Variants in RAD54L2 observed in about 807,000 individuals in gnomAD.
RAD54L2 encodes RAD54 like 2.
A neutral mutation model predicts 138.4 loss-of-function variants in RAD54L2; 27 were observed. The observed-to-expected ratio is 0.20, with a 90% CI of 0.14 to 0.27. The LOEUF is 0.27. Among genes scored for constraint, RAD54L2 ranks in the 10% least tolerant of loss-of-function variants. The pLI is 1.00. For missense variants in RAD54L2, 1,396 were observed against 1,890.2 expected, an observed-to-expected ratio of 0.74 and a Z score of 4.85; for synonymous variants, 644 against 723.2, an observed-to-expected ratio of 0.89 and a Z score of 1.76.
At chr3:51,576,397 G>A (rs1034069318) in intron 2 of RAD54L2, among the ~76,000 whole-genome samples, 2 of 152,154 alleles carry the variant, frequency 1.3e-5, no homozygotes, top group African/African-American at 4.8e-5. Flanking sequence ...GTTTTCTGTT[G>A]ATTGGAATAG....
At chr3:51,557,261 G>C (rs1405951344) in intron 2 of RAD54L2, among the ~76,000 whole-genome samples, 1 of 136,964 alleles carries the variant, frequency 7.3e-6, no homozygotes, top group African/African-American at 2.8e-5. Flanking sequence ...ATGGCTCACT[G>C]TAGCCTCGAC....
chr3:51,556,667 C>G (rs578063789), intron 2 of RAD54L2, among the ~76,000 whole-genome samples: 1 of 152,076 alleles, frequency 6.6e-6, no homozygotes, highest in Non-Finnish European at 1.5e-5. Context: ...ACCTCCGCCT[C>G]CCGGGTTCAA....
chr3:51,569,099 TTTGA>T (rs1329272294), intron 2 of RAD54L2, among the ~76,000 whole-genome samples: 8 of 152,158 alleles, frequency 5.3e-5, no homozygotes, highest in Non-Finnish European at 8.8e-5. Flanking sequence ...TCTGCAACAA[TTTGA>T]TTGGTTACAG....
chr3:51,576,355 G>C (rs1464365534), intron 2 of RAD54L2, among the ~76,000 whole-genome samples: 1 of 152,186 alleles, frequency 6.6e-6, no homozygotes. Context: ...GATGATGCTG[G>C]CCTCATAAAA....
Position 51,664,295 on chromosome 3 carries a change from A to G in RAD54L2, c.*875A>G, listed in dbSNP as rs1022936722. The G allele has an allele frequency of 2.0e-5, 3 of 152,210 alleles. No homozygotes were observed. Among genetic ancestry groups the G allele is most frequent in the Non-Finnish European group, 4.4e-5 (3 of 68,050 alleles). 9.4% of individuals were successfully genotyped at this position (152,210 alleles called of 1,614,324 possible). A position where few individuals can be genotyped will look rare whatever the true frequency, so the allele number is the denominator to read the frequency against. On this transcript the variant is annotated 3_prime_UTR_variant, in exon 23 of 23. Coordinates refer to ENST00000684192, the MANE Select transcript of RAD54L2 (RefSeq NM_015106.4). The stretch of plus-strand genomic sequence containing the variant: ...TTAACCCCGGTGGCTATCTCTGAGC[A>G]GCTCTCCCTTTCCAGCTTGGAAGGT...
At chr3:51,604,089 G>A (rs1038310577) in intron 3 of RAD54L2, among the ~76,000 whole-genome samples, 1 of 152,222 alleles carries the variant, frequency 6.6e-6, no homozygotes, top group Admixed American at 6.5e-5. Context: ...GATATGTTTT[G>A]AAGATAGAGC....
Position 51,583,742 on chromosome 3 carries a change from C to T in RAD54L2, c.-54-6625C>T, listed in dbSNP as rs368363519. On this transcript the variant is annotated intron_variant, in intron 2 of 22. Coordinates refer to ENST00000684192, the MANE Select transcript of RAD54L2 (RefSeq NM_015106.4). ...ACGCCCGGCCGACAAGTGGTAGCTT[C>T]TTAAAGGTTAATTGTAATACAGAGT... Among the ~76,000 whole-genome samples the T allele has an allele frequency of 9.9e-5, 15 of 151,840 alleles. 1 individual carries two copies. The highest frequency in any genetic ancestry group is 3.4e-4 in the African/African-American group (14 of 41,330).
At chr3:51,619,168 C>G (rs935241814) in intron 3 of RAD54L2, among the ~76,000 whole-genome samples, 4 of 152,160 alleles carry the variant, frequency 2.6e-5, no homozygotes, top group Non-Finnish European at 5.9e-5. Context: ...AGCAATTCTC[C>G]TGCCTCAGCC....
At chr3:51,557,553 GTTC>G in intron 2 of RAD54L2, among the ~76,000 whole-genome samples, 1 of 151,790 alleles carries the variant, frequency 6.6e-6, no homozygotes, top group Non-Finnish European at 1.5e-5. Flanking sequence ...ACATTCTTAT[GTTC>G]TTATTAATTA....
At position 51,627,842 on chromosome 3, in the gene RAD54L2, G is replaced by A. The variant is rs2106791882; in HGVS notation, c.341+88G>A. ...CTGTCAATAGCAAAAAGACTGATTT[G>A]GGAAGGACAGTTCTCTCTCCAAAGG... On this transcript the variant is annotated intron_variant, in intron 4 of 22. Transcript: ENST00000684192. The A allele has an allele frequency of 2.1e-6, 3 of 1,423,950 alleles. No individual in the cohort carries two copies. In the South Asian group the frequency reaches 3.6e-5, roughly 17 times the overall value. 88.2% of individuals were successfully genotyped at this position (1,423,950 alleles called of 1,614,324 possible). A position where few individuals can be genotyped will look rare whatever the true frequency, so the allele number is the denominator to read the frequency against.
Position 51,637,577 on chromosome 3 carries a change from T to G in RAD54L2, c.1682+74T>G. ...TGCCAAGGGCATGCCAAACCTGTTA[T>G]ACAGGATAGGGTGTTGGAGTAGGAG... On this transcript the variant is annotated intron_variant, in intron 11 of 22. Coordinates refer to ENST00000684192, the MANE Select transcript of RAD54L2 (RefSeq NM_015106.4). This position sits in a 1 kb window ranked among gnomAD's most constrained non-coding sequence, Gnocchi z 5.9. 1 of 1,434,996 alleles carries G rather than the reference T, an allele frequency of 7.0e-7. No homozygotes were observed. The highest frequency in any genetic ancestry group is 9.4e-7 in the Non-Finnish European group (1 of 1,059,202). The allele number at this position is 1,434,996 out of a possible 1,614,324, so 88.9% of individuals were successfully genotyped here.
chr3:51,593,323 C>T (rs1242680518), intron 3 of RAD54L2, among the ~76,000 whole-genome samples: 1 of 149,340 alleles, frequency 6.7e-6, no homozygotes, highest in Non-Finnish European at 1.5e-5. Flanking sequence ...TTACTTCAGC[C>T]CCTTTTTTTT....
At chr3:51,539,357 T>C (rs1303916790) in intron 1 of RAD54L2, among the ~76,000 whole-genome samples, 1 of 152,126 alleles carries the variant, frequency 6.6e-6, no homozygotes, top group Non-Finnish European at 1.5e-5. Context: ...TCCTGAGGTC[T>C]GGGAATTTGG....
At chr3:51,654,769 G>A (rs1223429571) in intron 19 of RAD54L2, among the ~76,000 whole-genome samples, 1 of 152,166 alleles carries the variant, frequency 6.6e-6, no homozygotes, top group Non-Finnish European at 1.5e-5. Flanking sequence ...TGTCAGCTTT[G>A]TTTCTGGCTT....
At position 51,635,778 on chromosome 3, in the gene RAD54L2, A is replaced by T; in HGVS notation, c.1328A>T (p.Glu443Val). 1 of 1,609,908 alleles carries T rather than the reference A, an allele frequency of 6.2e-7. No homozygotes were observed. The highest frequency in any genetic ancestry group is 8.5e-7 in the Non-Finnish European group (1 of 1,178,250). Residue 443 changes from glutamate (E) to valine (V), a missense_variant, in exon 10 of 23, where the codon GAG becomes GTG. Glu to Val is a moderately radical substitution (Grantham distance 121, BLOSUM62 -2). Around this residue, in one of 7 missense-constraint regions of RAD54L2, gnomAD observed 169 missense variants for 235.6 expected, o/e 0.72. Transcript: ENST00000684192. ...CTAGATGAGGAAGATCGGCAGCAGGAGTTTCGGAGAGGTGGGCAGCCTATC... is the reference window on the plus strand; with the variant it reads ...CTAGATGAGGAAGATCGGCAGCAGGTGTTTCGGAGAGGTGGGCAGCCTATC... ...IDLDEEDRQQ[E>V]FRREFEKALC...
At chr3:51,584,830 G>A (rs1239687891) in intron 2 of RAD54L2, among the ~76,000 whole-genome samples, 1 of 150,408 alleles carries the variant, frequency 6.6e-6, no homozygotes, top group Non-Finnish European at 1.5e-5. Flanking sequence ...TTTATTTTTC[G>A]AGACTGGCTC....
At chr3:51,587,390 C>T (rs967804133) in intron 2 of RAD54L2, among the ~76,000 whole-genome samples, 1 of 152,212 alleles carries the variant, frequency 6.6e-6, no homozygotes, top group Non-Finnish European at 1.5e-5. Flanking sequence ...GCATGAGCAA[C>T]CACGTCTGGC....
chr3:51,645,746 C>T lies in RAD54L2; in HGVS notation c.2812C>T (p.Pro938Ser), dbSNP rs749450292. The change falls in exon 18 of 23, where the codon CCT becomes TCT. Residue 938 changes from proline to serine, a missense_variant. By Grantham distance (74) the Pro-to-Ser change is moderately conservative (BLOSUM62 -1). Coordinates refer to ENST00000684192, the MANE Select transcript of RAD54L2 (RefSeq NM_015106.4). The surrounding 1 kb of genome is among the most constrained non-coding windows in gnomAD (Gnocchi z 6.1). ...SVLQLACLKYPHLITKEPFEH... is the reference protein window; with the variant it reads ...SVLQLACLKYSHLITKEPFEH... ...CCTGCAACTGGCCTGTCTGAAGTAC[C>T]CTCACCTCATCACCAAGGTAAGAAC... The T allele has an allele frequency of 2.5e-6, 4 of 1,611,118 alleles. No individual in the cohort carries two copies. The highest frequency in any genetic ancestry group is 3.4e-6 in the Non-Finnish European group (4 of 1,178,902).
chr3:51,578,613 G>A (rs1015939587), intron 2 of RAD54L2, among the ~76,000 whole-genome samples: 10 of 152,166 alleles, frequency 6.6e-5, no homozygotes, highest in African/African-American at 9.7e-5. Context: ...AGTGAACTCC[G>A]CTCACTCGCT....
Sources: gnomAD v4.1 joint callset for allele counts (sites outside exome capture counted in the v4.1 genomes callset) on GRCh38, gnomAD v4.1.1 for gene constraint, gnomAD v4.1.1 regional missense constraint, Gnocchi (gnomAD v3.1) non-coding constraint, MANE v1.5 for transcripts, NCBI Gene and HGNC (gene_info 2026-07-23, HGNC 2026-07-21) for gene names.